The following PLD5 variants were observed in gnomAD, a reference collection of about 807,000 sequenced individuals.
The protein encoded by PLD5 is phospholipase D family member 5.
In PLD5, 36 loss-of-function variants were observed where a neutral mutation model predicts 61.1. The ratio of observed to expected loss-of-function variants is 0.59; its 90% confidence interval spans 0.45 to 0.78. The LOEUF (loss-of-function observed/expected upper bound fraction) is 0.78, where lower values mean the gene tolerates loss of function less well. Among genes scored for constraint, PLD5 ranks in the 30% least tolerant of loss-of-function variants. The probability of loss-of-function intolerance (pLI) is 0.00; values close to 1 mark genes in which losing one functional copy is unlikely to be tolerated. For missense variants in PLD5, 515 were observed against 644.4 expected (o/e 0.80, Z 2.17); for synonymous variants, 243 against 242.8 (o/e 1.00, Z -0.01).
At chr1:242,377,101 C>T (rs1662007823) in intron 1 of PLD5, 1 of 1,611,754 alleles carries the variant, frequency 6.2e-7, no homozygotes, top group Non-Finnish European at 8.5e-7. Flanking sequence ...TGTTGGTTAT[C>T]TTCCCCAGCC....
chr1:242,504,059 TTTG>T (rs1668643467), intron 1 of PLD5, among the ~76,000 whole-genome samples: 1 of 152,194 alleles, frequency 6.6e-6, no homozygotes, highest in South Asian at 2.1e-4. Context: ...TGTATTTTGT[TTTG>T]TTGTTATATT....
rs187471300 is a variant in PLD5, at chr1:242,376,861, T to A, written c.190-28619A>T. On this transcript the variant is annotated intron_variant, in intron 1 of 9. Transcript: ENST00000536534. ...CTATTATCCCACTGCAAACTTTTTGTAACAAAAATGTCTTTTTTATTCCAA... is the reference window on the plus strand; with the variant it reads ...CTATTATCCCACTGCAAACTTTTTGAAACAAAAATGTCTTTTTTATTCCAA... 98 of 1,504,036 alleles carry A rather than the reference T, an allele frequency of 6.5e-5. No homozygotes were observed. The East Asian group carries it at 2.3e-3, about 35-fold the overall frequency. 93.2% of individuals were successfully genotyped at this position (1,504,036 alleles called of 1,614,324 possible).
At chr1:242,220,861 T>C (rs1443212412) in intron 4 of PLD5, among the ~76,000 whole-genome samples, 1 of 151,910 alleles carries the variant, frequency 6.6e-6, no homozygotes, top group Non-Finnish European at 1.5e-5. Context: ...CTCAGCCTCC[T>C]GAGTAGCTGG....
At chr1:242,168,934 CA>C (rs1666539986) in intron 5 of PLD5, among the ~76,000 whole-genome samples, 2 of 133,824 alleles carry the variant, frequency 1.5e-5, no homozygotes, top group Non-Finnish European at 3.1e-5. Context: ...CTTATAAAGA[CA>C]AAGAAAAGGG....
chr1:242,385,969 G>A (rs1042984854), intron 1 of PLD5, among the ~76,000 whole-genome samples: 4 of 152,140 alleles, frequency 2.6e-5, no homozygotes, highest in African/African-American at 7.2e-5. Context: ...CAGAAGTTCA[G>A]GGACCAAGGC....
At chr1:242,426,109 G>A (rs911870748) in intron 1 of PLD5, among the ~76,000 whole-genome samples, 5 of 151,310 alleles carry the variant, frequency 3.3e-5, no homozygotes, top group African/African-American at 2.4e-5. Context: ...CATTTTAAAC[G>A]TTTTTGTTAA....
intron 1 of PLD5, among the ~76,000 whole-genome samples, chr1:242,509,592 G>C (rs929113176): frequency 6.6e-6 from 1 of 152,088 alleles, no homozygotes; most frequent in Non-Finnish European, 1.5e-5. Context: ...AAAGAAAATG[G>C]GCAGAGAGAT....
intron 1 of PLD5, among the ~76,000 whole-genome samples, chr1:242,352,943 C>T (rs886139434): frequency 6.6e-6 from 1 of 152,142 alleles, no homozygotes; most frequent in Non-Finnish European, 1.5e-5. Flanking sequence ...TATTAGTTTT[C>T]TATCAGGTAT....
At chr1:242,474,155 T>C (rs982975611) in intron 1 of PLD5, among the ~76,000 whole-genome samples, 12 of 152,348 alleles carry the variant, frequency 7.9e-5, no homozygotes, top group South Asian at 2.1e-4. Context: ...CAAAAGTAAC[T>C]GCGGTGTTTG....
intron 1 of PLD5, among the ~76,000 whole-genome samples, chr1:242,493,070 T>C (rs1668220137): frequency 6.6e-6 from 1 of 152,240 alleles, no homozygotes; most frequent in Admixed American, 6.5e-5. Flanking sequence ...TATCCATTTC[T>C]GCTAAGGCTC....
At chr1:242,315,905 A>C (rs1574718217) in intron 2 of PLD5, among the ~76,000 whole-genome samples, 2 of 152,306 alleles carry the variant, frequency 1.3e-5, no homozygotes, top group East Asian at 3.9e-4. Context: ...TTCTTTGTAT[A>C]TAGGAATTCA....
intron 5 of PLD5, among the ~76,000 whole-genome samples, chr1:242,215,025 T>C (rs910151563): frequency 6.7e-6 from 1 of 149,222 alleles, no homozygotes; most frequent in Non-Finnish European, 1.5e-5. Context: ...TACTTGTGCC[T>C]GCCACCGTGC....
At chr1:242,137,831 T>G (rs2840610) in intron 5 of PLD5, among the ~76,000 whole-genome samples, 2,059 of 152,120 alleles carry the variant, frequency 0.014, 43 homozygotes, top group African/African-American at 0.044. Flanking sequence ...GTAATGCCAC[T>G]GAATGTGGGG....
chr1:242,404,187 C>T (rs1008628709), intron 1 of PLD5, among the ~76,000 whole-genome samples: 14 of 152,082 alleles, frequency 9.2e-5, no homozygotes, highest in African/African-American at 3.1e-4. Flanking sequence ...GAGTACCTCA[C>T]GAAGTAGCAG....
chr1:242,388,554 T>C (rs1001830230), intron 1 of PLD5, among the ~76,000 whole-genome samples: 5 of 152,104 alleles, frequency 3.3e-5, no homozygotes, highest in Non-Finnish European at 5.9e-5. Flanking sequence ...CATAATGGGC[T>C]AAGAATTACT....
intron 5 of PLD5, among the ~76,000 whole-genome samples, chr1:242,154,764 T>A (rs1665220429): frequency 6.6e-6 from 1 of 152,180 alleles, no homozygotes; most frequent in South Asian, 2.1e-4. Context: ...TATTGAGGAT[T>A]TTCACCTCGA....
chr1:242,282,431 A>T (rs1052765670), intron 3 of PLD5, among the ~76,000 whole-genome samples: 4 of 152,138 alleles, frequency 2.6e-5, no homozygotes, highest in Non-Finnish European at 4.4e-5. Context: ...CGTACTTCCC[A>T]AAAACAACCT....
Position 242,356,387 on chromosome 1 carries a change from CT to C in PLD5, c.190-8146del, listed in dbSNP as rs552157851. 1.9e-3 allele frequency among the ~76,000 whole-genome samples: 293 copies of C among 151,794 alleles called. 2 individuals carry two copies. The highest frequency in any genetic ancestry group is 6.7e-3 in the African/African-American group (276 of 41,442). ...TTCTCTAATGTAGCTATCACTACCC[CT>C]GTTCTCATTTGGTTTCCTTTTGTGT... On this transcript the variant is annotated intron_variant, in intron 1 of 9. Transcript: ENST00000536534.
intron 4 of PLD5, among the ~76,000 whole-genome samples, chr1:242,261,792 T>C (rs933978414): frequency 6.6e-6 from 1 of 152,182 alleles, no homozygotes; most frequent in African/African-American, 2.4e-5. Flanking sequence ...ACATGATACG[T>C]ATCCACCGGA....
Sources: allele counts gnomAD v4.1 joint callset (sites outside exome capture counted in the v4.1 genomes callset), GRCh38; gene constraint gnomAD v4.1.1; transcripts MANE v1.5; gene names NCBI Gene and HGNC (gene_info 2026-07-23, HGNC 2026-07-21).